The following PRKN variants were observed in gnomAD, a reference collection of about 807,000 sequenced individuals.
PRKN encodes the protein E3 ubiquitin-protein ligase parkin.
Under a neutral mutation model 59.5 loss-of-function variants are expected in PRKN, and 56 were observed. That is an observed-to-expected ratio of 0.94 (90% CI 0.76 to 1.18). The LOEUF (loss-of-function observed/expected upper bound fraction) is 1.18, where lower values mean the gene tolerates loss of function less well. Among genes scored for constraint, PRKN ranks in the 50% most tolerant of loss-of-function variants. The pLI, the probability that PRKN is intolerant of heterozygous loss-of-function variation, is 0.00. For synonymous variants in PRKN, 250 were observed against 222.1 expected, an observed-to-expected ratio of 1.13 and a Z score of -1.12; for missense variants, 657 against 596.4, an observed-to-expected ratio of 1.10 and a Z score of -1.06.
At chr6:161,450,764 C>T (rs1229269944) in intron 9 of PRKN, among the ~76,000 whole-genome samples, 4 of 152,136 alleles carry the variant, frequency 2.6e-5, no homozygotes, top group Admixed American at 6.6e-5. Flanking sequence ...ACTGTGTTAG[C>T]CAGGATGGTC....
intron 5 of PRKN, among the ~76,000 whole-genome samples, chr6:162,007,443 C>T (rs2128265777): frequency 6.6e-6 from 1 of 152,224 alleles, no homozygotes; most frequent in South Asian, 2.1e-4. Context: ...GATAGTATGA[C>T]ACATGTTTCT....
At chr6:162,488,419 G>T (rs893310071) in intron 1 of PRKN, among the ~76,000 whole-genome samples, 3 of 152,116 alleles carry the variant, frequency 2.0e-5, no homozygotes, top group African/African-American at 7.2e-5. Flanking sequence ...ACTCTTCACT[G>T]AGGAGATTTC....
intron 6 of PRKN, among the ~76,000 whole-genome samples, chr6:161,834,764 G>GC (rs1792672076): frequency 6.6e-6 from 1 of 152,324 alleles, no homozygotes; most frequent in South Asian, 2.1e-4. Context: ...TGCTACACAC[G>GC]CCCTGGCTCT....
chr6:162,687,447 G>C (rs1262479900), intron 1 of PRKN, among the ~76,000 whole-genome samples: 4 of 152,090 alleles, frequency 2.6e-5, no homozygotes, highest in Non-Finnish European at 5.9e-5. Context: ...GCCTCCCAAA[G>C]TGCTGGGATT....
At chr6:161,733,497 A>T (rs1787806678) in intron 7 of PRKN, among the ~76,000 whole-genome samples, 2 of 152,178 alleles carry the variant, frequency 1.3e-5, no homozygotes, top group Admixed American at 6.5e-5. Context: ...TACAGGTAGT[A>T]AACTTTGGGA....
At chr6:162,090,709 G>A (rs147399851) in intron 4 of PRKN, among the ~76,000 whole-genome samples, 1 of 152,052 alleles carries the variant, frequency 6.6e-6, no homozygotes, top group Admixed American at 6.6e-5. Context: ...GATGTAGGAC[G>A]ATGTTTCAGA....
intron 4 of PRKN, among the ~76,000 whole-genome samples, chr6:162,189,611 A>C (rs976018232): frequency 2.0e-5 from 3 of 151,858 alleles, no homozygotes; most frequent in African/African-American, 7.2e-5. Flanking sequence ...CCCTGCCCCA[A>C]GGAAATGAAT....
chr6:161,633,589 C>A (rs1034053463), intron 7 of PRKN, among the ~76,000 whole-genome samples: 28 of 152,160 alleles, frequency 1.8e-4, no homozygotes, highest in African/African-American at 6.8e-4. Flanking sequence ...ATTAAATATT[C>A]CTGGTGGAAT....
chr6:162,389,206 G>T (rs1324482674), intron 2 of PRKN, among the ~76,000 whole-genome samples: 6 of 151,916 alleles, frequency 3.9e-5, no homozygotes, highest in African/African-American at 1.2e-4. Context: ...GGCTGGGATG[G>T]GCCACACAAC....
chr6:162,720,455 T>G (rs1415202473), intron 1 of PRKN, among the ~76,000 whole-genome samples: 1 of 148,060 alleles, frequency 6.8e-6, no homozygotes, highest in Non-Finnish European at 1.5e-5. Flanking sequence ...TTTTTTTTTT[T>G]TTTTTTGAGA....
chr6:162,214,252 A>C (rs1367294660), intron 3 of PRKN, among the ~76,000 whole-genome samples: 1 of 152,162 alleles, frequency 6.6e-6, no homozygotes, highest in Non-Finnish European at 1.5e-5. Context: ...TTCCAATTGC[A>C]CGCACTTTGT....
chr6:161,434,598 T>C (rs1583062425), intron 9 of PRKN, among the ~76,000 whole-genome samples: 1 of 152,338 alleles, frequency 6.6e-6, no homozygotes, highest in Non-Finnish European at 1.5e-5. Flanking sequence ...CAATGGGGTC[T>C]TTATTTTCCT....
chr6:161,739,955 A>G (rs1188313500), intron 7 of PRKN, among the ~76,000 whole-genome samples: 5 of 152,080 alleles, frequency 3.3e-5, no homozygotes, highest in Admixed American at 3.3e-4. Flanking sequence ...GGGTTTCTCC[A>G]TGTTGGCCCG....
At chr6:162,476,518 G>C (rs745599377) in intron 1 of PRKN, among the ~76,000 whole-genome samples, 3 of 152,118 alleles carry the variant, frequency 2.0e-5, no homozygotes, top group African/African-American at 4.8e-5. Context: ...AATCCCGTTT[G>C]TATAGGCTTT....
intron 6 of PRKN, among the ~76,000 whole-genome samples, chr6:161,924,303 A>T (rs143931994): frequency 5.1e-4 from 77 of 152,266 alleles, no homozygotes; most frequent in African/African-American, 1.7e-3. Flanking sequence ...ACTGATCCTC[A>T]AATATGAATC....
At position 161,897,984 on chromosome 6, in the gene PRKN, A is replaced by AAAAAAAAAAT. The variant is rs1554244227; in HGVS notation, c.734+75317_734+75318insATTTTTTTTT. On this transcript the variant is annotated intron_variant, in intron 6 of 11. Coordinates refer to ENST00000366898, the MANE Select transcript of PRKN (RefSeq NM_004562.3). ...TCCGTCTCAAAAAAAAAAAAAAAAA[A>AAAAAAAAAAT]GTCTCCCAGTTGCATAGAAAAGGTT... Among the ~76,000 whole-genome samples, 94 of 117,654 alleles carry AAAAAAAAAAT rather than the reference A, an allele frequency of 8.0e-4. 10 individuals are homozygous for AAAAAAAAAAT. Among genetic ancestry groups the AAAAAAAAAAT allele is most frequent in the African/African-American group, 3.0e-3 (73 of 24,010 alleles). The allele number at this position is 117,654 out of a possible 152,430, so 77.2% of individuals were successfully genotyped here. A position where few individuals can be genotyped will look rare whatever the true frequency, so the allele number is the denominator to read the frequency against.
intron 7 of PRKN, among the ~76,000 whole-genome samples, chr6:161,694,780 A>G (rs969760): frequency 0.78 from 118,511 of 152,084 alleles, 46,619 homozygotes; most frequent in Admixed American, 0.85. Flanking sequence ...GATGACAGTT[A>G]CAGATTTCAA....
chr6:162,660,989 C>T (rs747648091), intron 1 of PRKN, among the ~76,000 whole-genome samples: 21 of 152,046 alleles, frequency 1.4e-4, no homozygotes, highest in Admixed American at 2.6e-4. Flanking sequence ...GGGCCGGGTA[C>T]GGTGCCTCAC....
intron 1 of PRKN, among the ~76,000 whole-genome samples, chr6:162,553,343 C>G (rs1051708661): frequency 4.6e-5 from 7 of 151,056 alleles, no homozygotes; most frequent in Non-Finnish European, 1.0e-4. Flanking sequence ...ACATATAAGG[C>G]AAAGTGAGCA....
Sources: gnomAD v4.1 joint callset for allele counts (sites outside exome capture counted in the v4.1 genomes callset) on GRCh38, gnomAD v4.1.1 for gene constraint, MANE v1.5 for transcripts, NCBI Gene and HGNC (gene_info 2026-07-23, HGNC 2026-07-21) for gene names.